The following NKAIN2 variants were observed in gnomAD, a reference collection of about 807,000 sequenced individuals.
The protein encoded by NKAIN2 is sodium/potassium transporting ATPase interacting 2, also known as sodium/potassium-transporting ATPase subunit beta-1-interacting protein 2.
A neutral mutation model predicts 32.6 loss-of-function variants in NKAIN2; 14 were observed. The observed-to-expected ratio is 0.43, with a 90% CI of 0.28 to 0.67. NKAIN2 has a LOEUF of 0.67. Among genes scored for constraint, NKAIN2 ranks in the 30% least tolerant of loss-of-function variants. The pLI is 0.17. For missense variants in NKAIN2, 198 were observed against 258.3 expected (o/e 0.77, Z 1.60); for synonymous variants, 80 against 87.2 (o/e 0.92, Z 0.46).
At chr6:124,253,283 A>G (rs1352008641) in intron 1 of NKAIN2, among the ~76,000 whole-genome samples, 2 of 152,232 alleles carry the variant, frequency 1.3e-5, no homozygotes, top group South Asian at 2.1e-4. Context: ...TCAAAATGTC[A>G]TTTCTAAATG....
At chr6:123,904,927 A>C (rs908917266) in intron 1 of NKAIN2, among the ~76,000 whole-genome samples, 6 of 152,186 alleles carry the variant, frequency 3.9e-5, no homozygotes, top group African/African-American at 1.4e-4. Flanking sequence ...CAAATGACCA[A>C]TATTATATTT....
intron 1 of NKAIN2, among the ~76,000 whole-genome samples, chr6:123,918,979 C>CTCTCTG (rs1775621482): frequency 6.6e-6 from 1 of 152,044 alleles, no homozygotes; most frequent in South Asian, 2.1e-4. Flanking sequence ...TCTTCTTTCT[C>CTCTCTG]TCTCTCTGTC....
At chr6:124,271,626 G>C (rs757528697) in intron 1 of NKAIN2, among the ~76,000 whole-genome samples, 1 of 152,214 alleles carries the variant, frequency 6.6e-6, no homozygotes, top group Non-Finnish European at 1.5e-5. Context: ...CTGCTATAAA[G>C]ATAACCTGAA....
At chr6:124,761,973 G>A (rs547887921) in intron 4 of NKAIN2, among the ~76,000 whole-genome samples, 5 of 151,954 alleles carry the variant, frequency 3.3e-5, no homozygotes, top group Non-Finnish European at 5.9e-5. Flanking sequence ...TTTCTCCCTA[G>A]TTTCTCTCAC....
At chr6:124,066,742 C>G (rs1029800504) in intron 1 of NKAIN2, among the ~76,000 whole-genome samples, 4 of 152,094 alleles carry the variant, frequency 2.6e-5, no homozygotes, top group Admixed American at 6.6e-5. Context: ...CTTCCTTTTG[C>G]TTCTGTAACC....
intron 4 of NKAIN2, among the ~76,000 whole-genome samples, chr6:124,764,323 G>A (rs551681913): frequency 6.6e-6 from 1 of 151,884 alleles, no homozygotes; most frequent in South Asian, 2.1e-4. Flanking sequence ...AAAATTATGG[G>A]GGTTATCAAA....
rs570198274 is a variant in NKAIN2, at chr6:124,171,620, C to T, written c.55-111385C>T. 1.9e-4 allele frequency among the ~76,000 whole-genome samples: 26 copies of T among 133,884 alleles called. No individual in the cohort carries two copies. In the East Asian group the frequency reaches 4.2e-3, roughly 22 times the overall value. The allele number at this position is 133,884 out of a possible 152,430, so 87.8% of individuals were successfully genotyped here. A position where few individuals can be genotyped will look rare whatever the true frequency, so the allele number is the denominator to read the frequency against. ...AGGCTGGAGTGCAGTGGTACCATCT[C>T]GGCTCACTGCAACGTCTGCCTCCCG... On this transcript the variant is annotated intron_variant, in intron 1 of 6. Coordinates refer to ENST00000368417, the MANE Select transcript of NKAIN2 (RefSeq NM_001040214.3).
At chr6:124,185,091 A>G (rs563292384) in intron 1 of NKAIN2, among the ~76,000 whole-genome samples, 3 of 152,146 alleles carry the variant, frequency 2.0e-5, no homozygotes, top group Non-Finnish European at 4.4e-5. Context: ...AATGTAAAAC[A>G]TATCTATGTA....
At chr6:124,380,069 T>A (rs1772559287) in intron 3 of NKAIN2, among the ~76,000 whole-genome samples, 1 of 152,144 alleles carries the variant, frequency 6.6e-6, no homozygotes, top group Non-Finnish European at 1.5e-5. Flanking sequence ...CTAATAAAAT[T>A]TCAAGAAGAA....
At chr6:124,159,504 T>A (rs1788163206) in intron 1 of NKAIN2, among the ~76,000 whole-genome samples, 1 of 152,318 alleles carries the variant, frequency 6.6e-6, no homozygotes, top group Non-Finnish European at 1.5e-5. Flanking sequence ...AGATGTAAAA[T>A]TTCTCTGTAT....
chr6:124,407,308 T>C (rs1236520252), intron 3 of NKAIN2, among the ~76,000 whole-genome samples: 2 of 151,958 alleles, frequency 1.3e-5, no homozygotes, highest in East Asian at 3.9e-4. Context: ...ACTCGTCATT[T>C]AGCATTAGGT....
At chr6:123,858,768 A>G (rs1483601184) in intron 1 of NKAIN2, among the ~76,000 whole-genome samples, 2 of 152,136 alleles carry the variant, frequency 1.3e-5, no homozygotes, top group Non-Finnish European at 2.9e-5. Flanking sequence ...AGTTTTGTGG[A>G]AGCAGCTGAG....
intron 4 of NKAIN2, among the ~76,000 whole-genome samples, chr6:124,760,080 A>AT (rs1475763957): frequency 6.6e-6 from 1 of 152,104 alleles, no homozygotes; most frequent in Non-Finnish European, 1.5e-5. Context: ...GGGCAGTTTC[A>AT]TAAAAAAGAA....
rs562278134 is a variant in NKAIN2, at chr6:124,092,553, C to T, written c.55-190452C>T. ...AGATGTTAGATTTTTGTATTTCACT[C>T]TAGACTCTACCACTTCATAACTATT... On this transcript the variant is annotated intron_variant, in intron 1 of 6. Transcript: ENST00000368417. 2.6e-5 allele frequency among the ~76,000 whole-genome samples: 4 copies of T among 152,098 alleles called. No homozygotes were observed. The East Asian group carries it at 7.7e-4, about 29-fold the overall frequency.
chr6:124,330,258 C>G (rs781658047), intron 2 of NKAIN2, among the ~76,000 whole-genome samples: 4 of 152,144 alleles, frequency 2.6e-5, no homozygotes, highest in Non-Finnish European at 4.4e-5. Flanking sequence ...TCCTGGACAA[C>G]TTCTGATTTT....
chr6:124,250,686 T>C (rs534018612), intron 1 of NKAIN2, among the ~76,000 whole-genome samples: 16 of 152,030 alleles, frequency 1.1e-4, no homozygotes, highest in Admixed American at 7.9e-4. Context: ...AAGGAAAATC[T>C]AAAGGAAGTG....
chr6:123,895,293 C>T (rs1486261054), intron 1 of NKAIN2, among the ~76,000 whole-genome samples: 1 of 152,024 alleles, frequency 6.6e-6, no homozygotes, highest in Non-Finnish European at 1.5e-5. Flanking sequence ...TCTCTTTGCC[C>T]ATAGATTTCA....
chr6:124,090,597 A>G (rs1784374093), intron 1 of NKAIN2, among the ~76,000 whole-genome samples: 1 of 152,004 alleles, frequency 6.6e-6, no homozygotes, highest in Non-Finnish European at 1.5e-5. Flanking sequence ...CTAAAACCTA[A>G]CCTTTGTTGT....
chr6:124,516,704 A>T (rs1053504281), intron 3 of NKAIN2, among the ~76,000 whole-genome samples: 1 of 152,254 alleles, frequency 6.6e-6, no homozygotes, highest in African/African-American at 2.4e-5. Context: ...GTGTATCTTA[A>T]TGAGACCTGT....
Sources: allele counts gnomAD v4.1 joint callset (sites outside exome capture counted in the v4.1 genomes callset), GRCh38; gene constraint gnomAD v4.1.1; transcripts MANE v1.5; gene names NCBI Gene and HGNC (gene_info 2026-07-23, HGNC 2026-07-21).